Variants in ADCY2 observed in about 807,000 individuals in gnomAD.
The protein encoded by ADCY2 is adenylate cyclase 2.
Under a neutral mutation model 125.2 loss-of-function variants are expected in ADCY2, and 31 were observed. That is an observed-to-expected ratio of 0.25 (90% CI 0.19 to 0.33). The LOEUF (loss-of-function observed/expected upper bound fraction) is 0.33, where lower values mean the gene tolerates loss of function less well. Among genes scored for constraint, ADCY2 ranks in the 10% least tolerant of loss-of-function variants. ADCY2 has a pLI of 1.00. For missense variants in ADCY2, 904 were observed against 1,418.2 expected (o/e 0.64, Z 5.82); for synonymous variants, 512 against 548.4 (o/e 0.93, Z 0.93).
At chr5:7,724,334 G>A (rs531188851) in intron 12 of ADCY2, among the ~76,000 whole-genome samples, 1 of 151,136 alleles carries the variant, frequency 6.6e-6, no homozygotes, top group South Asian at 2.1e-4. Context: ...AGGGCAGTGT[G>A]TGATTAGGAA....
intron 4 of ADCY2, among the ~76,000 whole-genome samples, chr5:7,649,706 C>T (rs956583103): frequency 6.6e-6 from 1 of 152,168 alleles, no homozygotes; most frequent in Non-Finnish European, 1.5e-5. Flanking sequence ...AACTCCATAG[C>T]TCCTATCTCT....
At chr5:7,617,872 G>A (rs1266308329) in intron 3 of ADCY2, among the ~76,000 whole-genome samples, 1 of 152,172 alleles carries the variant, frequency 6.6e-6, no homozygotes, top group Non-Finnish European at 1.5e-5. Flanking sequence ...CTTTCCTAAT[G>A]AATATGATTA....
chr5:7,791,577 T>C (rs1019319849), intron 20 of ADCY2, among the ~76,000 whole-genome samples: 2 of 152,164 alleles, frequency 1.3e-5, no homozygotes, highest in African/African-American at 4.8e-5. Context: ...TTCCTATCTC[T>C]TCTCCTGGTG....
At chr5:7,756,173 A>G (rs1157935767) in intron 15 of ADCY2, among the ~76,000 whole-genome samples, 1 of 152,272 alleles carries the variant, frequency 6.6e-6, no homozygotes, top group Admixed American at 6.5e-5. Context: ...CAGCATCTGC[A>G]TAGGCAGAGT....
At chr5:7,769,122 A>G (rs1743482412) in intron 17 of ADCY2, among the ~76,000 whole-genome samples, 1 of 152,228 alleles carries the variant, frequency 6.6e-6, no homozygotes, top group Non-Finnish European at 1.5e-5. Flanking sequence ...GGTAATTTCA[A>G]TAGTTATCAA....
chr5:7,494,932 C>G (rs190923442), intron 2 of ADCY2, among the ~76,000 whole-genome samples: 1 of 152,204 alleles, frequency 6.6e-6, no homozygotes, highest in African/African-American at 2.4e-5. Context: ...GAGAGAACAC[C>G]GGACCAGCTG....
intron 4 of ADCY2, among the ~76,000 whole-genome samples, chr5:7,661,689 T>C (rs1297185033): frequency 6.6e-6 from 1 of 152,224 alleles, no homozygotes; most frequent in Non-Finnish European, 1.5e-5. Context: ...TTGATAAAAT[T>C]CAGCTGATCT....
chr5:7,603,042 A>C (rs1276162042), intron 3 of ADCY2, among the ~76,000 whole-genome samples: 3 of 152,184 alleles, frequency 2.0e-5, no homozygotes, highest in Non-Finnish European at 4.4e-5. Flanking sequence ...GCTGCTGCAG[A>C]TCCAGCCATT....
intron 15 of ADCY2, among the ~76,000 whole-genome samples, chr5:7,751,751 C>T (rs1055936714): frequency 1.3e-5 from 2 of 152,028 alleles, no homozygotes; most frequent in African/African-American, 4.8e-5. Context: ...TTGGCTGGCC[C>T]AAGGAAATAT....
At chr5:7,685,577 GT>G in intron 4 of ADCY2, among the ~76,000 whole-genome samples, 1 of 152,328 alleles carries the variant, frequency 6.6e-6, no homozygotes, top group African/African-American at 2.4e-5. Context: ...AAGAGTAAGA[GT>G]TTTAACTGAT....
intron 2 of ADCY2, among the ~76,000 whole-genome samples, chr5:7,501,299 C>T (rs1260828960): frequency 7.2e-5 from 11 of 152,126 alleles, no homozygotes; most frequent in African/African-American, 2.7e-4. Context: ...GTCCTAAGCA[C>T]ACATGCACAG....
chr5:7,612,844 G>A (rs1343623639), intron 3 of ADCY2, among the ~76,000 whole-genome samples: 5 of 152,054 alleles, frequency 3.3e-5, no homozygotes, highest in East Asian at 1.9e-4. Context: ...GTGAAACCCC[G>A]TCTCTACTGA....
intron 3 of ADCY2, among the ~76,000 whole-genome samples, chr5:7,624,874 G>A (rs62342987): frequency 0.047 from 7,164 of 152,260 alleles, 277 homozygotes; most frequent in Middle Eastern, 0.088. Context: ...AAGTCATGTG[G>A]AAATGGAGGG....
intron 2 of ADCY2, among the ~76,000 whole-genome samples, chr5:7,508,542 G>A (rs1430564409): frequency 1.3e-5 from 2 of 152,108 alleles, no homozygotes; most frequent in Non-Finnish European, 2.9e-5. Flanking sequence ...TGGAAATCCA[G>A]AGCTCCAAGA....
chr5:7,665,424 C>T (rs1462654618), intron 4 of ADCY2, among the ~76,000 whole-genome samples: 1 of 152,170 alleles, frequency 6.6e-6, no homozygotes, highest in Non-Finnish European at 1.5e-5. Context: ...ACACGCACCC[C>T]ACTCTTGCAC....
intron 2 of ADCY2, among the ~76,000 whole-genome samples, chr5:7,439,406 A>T (rs1183935871): frequency 6.6e-6 from 1 of 152,086 alleles, no homozygotes; most frequent in Admixed American, 6.6e-5. Context: ...CTACCATGAG[A>T]ACAGTATGTG....
intron 22 of ADCY2, among the ~76,000 whole-genome samples, chr5:7,808,182 G>A (rs1289336332): frequency 6.6e-6 from 1 of 152,180 alleles, no homozygotes; most frequent in Admixed American, 6.5e-5. Flanking sequence ...TCTGAGTCCA[G>A]ATCTTATTTC....
intron 2 of ADCY2, among the ~76,000 whole-genome samples, chr5:7,477,082 G>C (rs531611489): frequency 6.6e-6 from 1 of 152,082 alleles, no homozygotes; most frequent in African/African-American, 2.4e-5. Context: ...TGTTCCACAC[G>C]TAACATTACC....
chr5:7,512,239 A>AAAAAAAAAAAAAAAAAAAAAAAT, intron 2 of ADCY2, among the ~76,000 whole-genome samples: 1 of 150,994 alleles, frequency 6.6e-6, no homozygotes, highest in Non-Finnish European at 1.5e-5. Context: ...AAAAAAAAAA[A>AAAAAAAAAAAAAAAAAAAAAAAT]AGAAAACCAT....
Sources: gnomAD v4.1 joint callset for allele counts (sites outside exome capture counted in the v4.1 genomes callset) on GRCh38, gnomAD v4.1.1 for gene constraint, MANE v1.5 for transcripts, NCBI Gene and HGNC (gene_info 2026-07-23, HGNC 2026-07-21) for gene names.